Variants in SNAP91 observed in about 807,000 individuals in gnomAD.
The protein encoded by SNAP91 is synaptosome associated protein 91.
In SNAP91, 27 loss-of-function variants were observed where a neutral mutation model predicts 100.3. That is an observed-to-expected ratio of 0.27 (90% CI 0.20 to 0.37). The LOEUF is 0.37. Among genes scored for constraint, SNAP91 ranks in the 10% least tolerant of loss-of-function variants. SNAP91 has a pLI of 1.00. For missense variants in SNAP91, 986 were observed against 1,123.7 expected (o/e 0.88, Z 1.75); for synonymous variants, 404 against 398.6 (o/e 1.01, Z -0.16).
intron 2 of SNAP91, among the ~76,000 whole-genome samples, chr6:83,692,222 G>A (rs1335825148): frequency 6.6e-6 from 1 of 152,118 alleles, no homozygotes; most frequent in Non-Finnish European, 1.5e-5. Context: ...GTTTGTTGTT[G>A]CTGTTACTGC....
At chr6:83,659,852 C>T (rs1190357441) in intron 5 of SNAP91, among the ~76,000 whole-genome samples, 1 of 151,820 alleles carries the variant, frequency 6.6e-6, no homozygotes, top group Non-Finnish European at 1.5e-5. Context: ...TATTAACCAT[C>T]AAGGGAAGAA....
chr6:83,572,057 C>A lies in SNAP91; in HGVS notation c.2442+2953G>T, dbSNP rs937647239. On this transcript the variant is annotated intron_variant, in intron 26 of 29. Transcript: ENST00000369694. ...TGTGAGGCCTCCCCAGCCATGAGTC[C>A]ATTAAACCTCTTTTTCTTGTAAATT... Among the ~76,000 whole-genome samples, 8 of 152,106 alleles carry A rather than the reference C, an allele frequency of 5.3e-5. No individual in the cohort carries two copies. The South Asian group carries it at 1.7e-3, about 32-fold the overall frequency.
chr6:83,581,214 CTGATA>C (rs1263480981), intron 23 of SNAP91, among the ~76,000 whole-genome samples: 1 of 152,058 alleles, frequency 6.6e-6, no homozygotes, highest in Admixed American at 6.5e-5. Flanking sequence ...AAAATAACAT[CTGATA>C]TAACAGTCAG....
At chr6:83,599,275 G>A (rs1379359131) in intron 16 of SNAP91, among the ~76,000 whole-genome samples, 1 of 152,040 alleles carries the variant, frequency 6.6e-6, no homozygotes, top group Non-Finnish European at 1.5e-5. Context: ...GTAAGATAGA[G>A]TTGATTGATT....
rs1292742113 is a variant in SNAP91, at chr6:83,593,463, A to G, written c.1696+15T>C. 2.6e-6 allele frequency: 4 copies of G among 1,548,646 alleles called. No individual in the cohort carries two copies. The highest frequency in any genetic ancestry group is 3.5e-6 in the Non-Finnish European group (4 of 1,144,536). ...ACTAGACGGAAAGAGGTCGACAACA[A>G]TAACAAAAAATTACCACCAAAGATA... On this transcript the variant is annotated intron_variant, in intron 18 of 29. Transcript: ENST00000369694.
rs541327510 is a variant in SNAP91 at position 83,687,678 on chromosome 6, A to C, written c.130+20120T>G. 7.2e-5 allele frequency among the ~76,000 whole-genome samples: 11 copies of C among 152,312 alleles called. No homozygotes were observed. In the South Asian group the frequency reaches 2.3e-3, roughly 32 times the overall value. ...AAGGATTACTCCAACTACTGTGTTA[A>C]GAGTACTTTGTTGGGAACGGGAGAA... On this transcript the variant is annotated intron_variant, in intron 2 of 29. Transcript: ENST00000369694.
chr6:83,585,847 TTC>T (rs1434885976), intron 22 of SNAP91, among the ~76,000 whole-genome samples: 24 of 150,808 alleles, frequency 1.6e-4, no homozygotes, highest in African/African-American at 4.9e-4. Flanking sequence ...CAATTTTTTT[TTC>T]TTTCTTTTTT....
Position 83,661,610 on chromosome 6 carries a change from A to G in SNAP91, c.350-6T>C. The stretch of plus-strand genomic sequence containing the variant: ...GAAGGTAGACATATCATAACCTGGG[A>G]GAGTGGAAAGAAGAAATAAAACTAA... On this transcript the variant is annotated splice_polypyrimidine_tract_variant and splice_region_variant and intron_variant, in intron 4 of 29. Coordinates refer to ENST00000369694, the MANE Select transcript of SNAP91 (RefSeq NM_001242792.2). 1 of 1,495,546 alleles carries G rather than the reference A, an allele frequency of 6.7e-7. No individual in the cohort carries two copies. 92.6% of individuals were successfully genotyped at this position (1,495,546 alleles called of 1,614,324 possible). A position where few individuals can be genotyped will look rare whatever the true frequency, so the allele number is the denominator to read the frequency against.
chr6:83,686,504 G>C (rs1024686142), intron 2 of SNAP91, among the ~76,000 whole-genome samples: 2 of 152,176 alleles, frequency 1.3e-5, no homozygotes, highest in Non-Finnish European at 2.9e-5. Context: ...ACTGTGGCTA[G>C]TAGGTCTTTG....
chr6:83,613,810 G>T (rs1293610796), intron 11 of SNAP91, among the ~76,000 whole-genome samples: 1 of 152,098 alleles, frequency 6.6e-6, no homozygotes, highest in Non-Finnish European at 1.5e-5. Flanking sequence ...TAGGAAAGAA[G>T]ATACTACATC....
intron 2 of SNAP91, among the ~76,000 whole-genome samples, chr6:83,690,896 T>G (rs989901203): frequency 1.3e-5 from 2 of 152,028 alleles, no homozygotes; most frequent in Non-Finnish European, 2.9e-5. Flanking sequence ...TATGCAAAAT[T>G]TGGTATACAT....
chr6:83,702,179 A>T (rs1319089936), intron 2 of SNAP91, among the ~76,000 whole-genome samples: 1 of 152,238 alleles, frequency 6.6e-6, no homozygotes, highest in African/African-American at 2.4e-5. Context: ...TTGATTTTTC[A>T]AATTATTTAA....
rs1029517187 is a variant in SNAP91, at chr6:83,593,754, A to C, written c.1433-13T>G. 7.1e-6 allele frequency: 11 copies of C among 1,546,972 alleles called. No homozygotes were observed. The highest frequency in any genetic ancestry group is 9.6e-6 in the Non-Finnish European group (11 of 1,145,954). On this transcript the variant is annotated splice_polypyrimidine_tract_variant and intron_variant, in intron 17 of 29. Coordinates refer to ENST00000369694, the MANE Select transcript of SNAP91 (RefSeq NM_001242792.2). ...GGGGCAAAGGGGTCTTTTGGAAAGG[A>C]AAGTGGAGACACACACAGCATCAGT...
intron 22 of SNAP91, among the ~76,000 whole-genome samples, chr6:83,585,223 G>T (rs1375274789): frequency 6.6e-6 from 1 of 152,082 alleles, no homozygotes; most frequent in Non-Finnish European, 1.5e-5. Context: ...TAAGAAAGAC[G>T]TTTAGCTGGG....
At chr6:83,677,989 C>T (rs1168271965) in intron 2 of SNAP91, among the ~76,000 whole-genome samples, 1 of 152,068 alleles carries the variant, frequency 6.6e-6, no homozygotes, top group Admixed American at 6.6e-5. Context: ...GGAAGGATGG[C>T]CTTTGCTGAC....
intron 22 of SNAP91, among the ~76,000 whole-genome samples, chr6:83,587,439 C>G (rs2092894660): frequency 6.6e-6 from 1 of 152,088 alleles, no homozygotes; most frequent in Non-Finnish European, 1.5e-5. Flanking sequence ...TCTCTTCTCT[C>G]TCTTTGATTC....
At chr6:83,555,179 G>A (rs117765550) in intron 29 of SNAP91, among the ~76,000 whole-genome samples, 2 of 151,966 alleles carry the variant, frequency 1.3e-5, no homozygotes, top group East Asian at 3.9e-4. Context: ...TTACTTGACT[G>A]AGATGTTAAT....
intron 7 of SNAP91, among the ~76,000 whole-genome samples, chr6:83,646,281 T>C (rs192886670): frequency 6.6e-6 from 1 of 152,346 alleles, no homozygotes; most frequent in African/African-American, 2.4e-5. Context: ...TGATGTTGTA[T>C]CTAAAAAGTC....
intron 8 of SNAP91, among the ~76,000 whole-genome samples, chr6:83,624,443 A>G (rs1330685857): frequency 6.6e-6 from 1 of 152,178 alleles, no homozygotes; most frequent in Non-Finnish European, 1.5e-5. Flanking sequence ...ATGGAAATGT[A>G]GAAGTAAACA....
Sources: allele counts gnomAD v4.1 joint callset (sites outside exome capture counted in the v4.1 genomes callset), GRCh38; gene constraint gnomAD v4.1.1; transcripts MANE v1.5; gene names NCBI Gene and HGNC (gene_info 2026-07-23, HGNC 2026-07-21).